Variants in GABRG2 observed in about 807,000 individuals in gnomAD.
GABRG2 encodes the protein gamma-aminobutyric acid receptor subunit gamma-2.
In GABRG2, 16 loss-of-function variants were observed where a neutral mutation model predicts 56.4. The ratio of observed to expected loss-of-function variants is 0.28; its 90% CI spans 0.19 to 0.43. GABRG2 has a LOEUF of 0.43. Ranked by LOEUF, GABRG2 falls within the 20% of genes least tolerant of loss-of-function variation. The probability of loss-of-function intolerance (pLI) is 1.00; values close to 1 mark genes in which losing one functional copy is unlikely to be tolerated. For synonymous variants in GABRG2, 208 were observed against 205.5 expected (o/e 1.01, Z -0.10); for missense variants, 327 against 582.7 (o/e 0.56, Z 4.52).
intron 1 of GABRG2, among the ~76,000 whole-genome samples, chr5:162,093,001 A>C (rs1760724500): frequency 6.6e-6 from 1 of 152,086 alleles, no homozygotes. Flanking sequence ...TAGGAATTCC[A>C]GTCCCCTTCC....
intron 5 of GABRG2, 53 bp downstream of exon 5, chr5:162,101,370 A>G (rs1465276344): frequency 2.5e-6 from 3 of 1,177,100 alleles, no homozygotes; most frequent in African/African-American, 3.1e-5. Context: ...AGTCTTTCTG[A>G]TTGCCATGTT....
intron 1 of GABRG2, among the ~76,000 whole-genome samples, chr5:162,075,349 C>T (rs993055510): frequency 3.3e-5 from 5 of 152,090 alleles, no homozygotes; most frequent in Admixed American, 3.3e-4. Context: ...CTCACCTTCT[C>T]AATAAAGCCT....
At chr5:162,085,914 G>GT (rs200224630) in intron 1 of GABRG2, among the ~76,000 whole-genome samples, 2,131 of 151,260 alleles carry the variant, frequency 0.014, 52 homozygotes, top group African/African-American at 0.049. Context: ...TGATCTCATT[G>GT]TTTTTTTATG....
chr5:162,117,039 A>T (rs1762669790), intron 6 of GABRG2, among the ~76,000 whole-genome samples: 2 of 152,210 alleles, frequency 1.3e-5, no homozygotes, highest in South Asian at 4.1e-4. Context: ...TCTGAGAATT[A>T]TCCTCTCAAA....
rs536015615 is a variant in GABRG2, at chr5:162,136,886, CA to C, written c.770-5277del. ...TGAGAACTCTTGTGCCATTATGCAGCAGTGACTTTCTTGGCCTGACAACTCC... is the reference window on the plus strand; with the variant it reads ...TGAGAACTCTTGTGCCATTATGCAGCGTGACTTTCTTGGCCTGACAACTCC... On this transcript the variant is annotated intron_variant, in intron 6 of 9. Coordinates refer to ENST00000639213, the MANE Select transcript of GABRG2 (RefSeq NM_198904.4). Among the ~76,000 whole-genome samples, 27 of 152,298 alleles carry C rather than the reference CA, an allele frequency of 1.8e-4. No homozygotes were observed. The South Asian group carries it at 5.2e-3, about 29-fold the overall frequency.
intron 8 of GABRG2, chr5:162,150,998 G>A (rs1392542502): frequency 6.6e-6 from 1 of 152,086 alleles, no homozygotes. Flanking sequence ...CCTCAAGAAG[G>A]TGGTTCTATT....
At chr5:162,078,389 ATATATATATTTTTTTTTTTTTT>A (rs1759343922) in intron 1 of GABRG2, among the ~76,000 whole-genome samples, 1 of 31,158 alleles carries the variant, frequency 3.2e-5, no homozygotes. Flanking sequence ...ATATATATAT[ATATATATATTTTTTTTTTTTTT>A]TTTTTTTTTT....
At chr5:162,128,225 C>T (rs1242014371) in intron 6 of GABRG2, 1 of 151,934 alleles carries the variant, frequency 6.6e-6, no homozygotes, top group Non-Finnish European at 1.5e-5. Flanking sequence ...CTTAAGTTTT[C>T]CCCAGTCCTC....
intron 4 of GABRG2, chr5:162,100,073 G>C (rs2113345632): frequency 6.6e-6 from 1 of 152,114 alleles, no homozygotes; most frequent in African/African-American, 2.4e-5. Context: ...AGCTTTGAAG[G>C]TAGATAATCT....
At chr5:162,142,787 A>G (rs1764675173) in intron 7 of GABRG2, 1 of 266,718 alleles carries the variant, frequency 3.7e-6, no homozygotes, top group Non-Finnish European at 7.4e-6. Flanking sequence ...ATTAGGAGAT[A>G]TACCTAATGT....
At chr5:162,079,509 C>T (rs1192994390) in intron 1 of GABRG2, among the ~76,000 whole-genome samples, 1 of 152,058 alleles carries the variant, frequency 6.6e-6, no homozygotes, top group Non-Finnish European at 1.5e-5. Context: ...TTAATTCCTA[C>T]CCACTATGTT....
chr5:162,098,449 T>G (rs1385320050), intron 4 of GABRG2: 1 of 153,338 alleles, frequency 6.5e-6, no homozygotes, highest in Admixed American at 6.5e-5. Flanking sequence ...GAAATTAGAG[T>G]AAAATGCTAC....
intron 6 of GABRG2, among the ~76,000 whole-genome samples, chr5:162,141,235 C>T (rs1256448098): frequency 6.6e-6 from 1 of 152,142 alleles, no homozygotes; most frequent in East Asian, 1.9e-4. Context: ...GACGGGGTTT[C>T]ACCGTGTTAG....
At chr5:162,112,038 A>G (rs192411484) in intron 6 of GABRG2, among the ~76,000 whole-genome samples, 61 of 152,260 alleles carry the variant, frequency 4.0e-4, no homozygotes, top group African/African-American at 1.4e-3. Context: ...TTACTAGTTA[A>G]GTGGTCATTA....
chr5:162,132,845 A>T (rs966666018), intron 6 of GABRG2, among the ~76,000 whole-genome samples: 2 of 152,200 alleles, frequency 1.3e-5, no homozygotes, highest in South Asian at 2.1e-4. Flanking sequence ...GGTAAATTAG[A>T]TCTGTTAGTG....
chr5:162,080,524 G>T (rs543145909), intron 1 of GABRG2, among the ~76,000 whole-genome samples: 1 of 152,266 alleles, frequency 6.6e-6, no homozygotes, highest in African/African-American at 2.4e-5. Context: ...AAGTCTAGGG[G>T]AAGAACTTGG....
intron 1 of GABRG2, among the ~76,000 whole-genome samples, chr5:162,075,906 G>A (rs920739086): frequency 2.0e-4 from 31 of 151,878 alleles, no homozygotes; most frequent in Non-Finnish European, 4.1e-4. Flanking sequence ...AAAAAAGGAA[G>A]ATTTGGGAAG....
intron 6 of GABRG2, among the ~76,000 whole-genome samples, chr5:162,141,542 A>G (rs1764570993): frequency 6.6e-6 from 1 of 152,204 alleles, no homozygotes; most frequent in Non-Finnish European, 1.5e-5. Flanking sequence ...TCATGCAGAT[A>G]AAGTCCAGTA....
chr5:162,117,930 A>G (rs1329263217), intron 6 of GABRG2, among the ~76,000 whole-genome samples: 1 of 152,124 alleles, frequency 6.6e-6, no homozygotes, highest in Non-Finnish European at 1.5e-5. Flanking sequence ...TTTGTTGAGC[A>G]TTTCACATAT....
Sources: gnomAD v4.1 joint callset for allele counts (sites outside exome capture counted in the v4.1 genomes callset) on GRCh38, gnomAD v4.1.1 for gene constraint, MANE v1.5 for transcripts, NCBI Gene and HGNC (gene_info 2026-07-23, HGNC 2026-07-21) for gene names.